The following AFF3 variants were observed in gnomAD, a reference collection of about 807,000 sequenced individuals.
AFF3 encodes AF4/FMR2 family member 3.
Under a neutral mutation model 129.7 loss-of-function variants are expected in AFF3, and 32 were observed. The observed-to-expected ratio is 0.25, with a 90% CI of 0.19 to 0.33. AFF3 has a LOEUF of 0.33. Ranked by LOEUF, AFF3 falls within the 10% of genes least tolerant of loss-of-function variation. AFF3 has a pLI of 1.00. For missense variants in AFF3, 1,373 were observed against 1,592.0 expected (o/e 0.86, Z 2.34); for synonymous variants, 644 against 635.4 (o/e 1.01, Z -0.20).
intron 11 of AFF3, among the ~76,000 whole-genome samples, chr2:99,675,362 CA>C (rs1389272293): frequency 3.3e-5 from 5 of 152,138 alleles, no homozygotes; most frequent in Non-Finnish European, 7.3e-5. Flanking sequence ...ATGCTATTCC[CA>C]AAACATGAAA....
intron 12 of AFF3, among the ~76,000 whole-genome samples, chr2:99,667,629 A>T (rs1686787387): frequency 6.6e-6 from 1 of 152,236 alleles, no homozygotes; most frequent in Admixed American, 6.5e-5. Context: ...TAAAAAAGAA[A>T]GAAGACAAAT....
intron 13 of AFF3, among the ~76,000 whole-genome samples, chr2:99,628,387 G>C (rs1682797070): frequency 6.6e-6 from 1 of 152,042 alleles, no homozygotes; most frequent in Admixed American, 6.5e-5. Flanking sequence ...AGGAATACTA[G>C]TGATTTTTGC....
intron 13 of AFF3, among the ~76,000 whole-genome samples, chr2:99,627,300 T>C (rs900065144): frequency 1.3e-5 from 2 of 152,116 alleles, no homozygotes; most frequent in Non-Finnish European, 2.9e-5. Context: ...CTCAGTGTCG[T>C]TTTGATTTGC....
At chr2:99,842,745 A>T (rs974154574) in intron 7 of AFF3, among the ~76,000 whole-genome samples, 7 of 151,914 alleles carry the variant, frequency 4.6e-5, no homozygotes, top group Non-Finnish European at 1.0e-4. Context: ...TAGCTCGGGG[A>T]ATAGCCAGGA....
intron 5 of AFF3, 78 bp downstream of exon 5, chr2:100,008,734 T>C: frequency 6.6e-7 from 1 of 1,523,484 alleles, no homozygotes; most frequent in Admixed American, 1.9e-5. Context: ...GTCGGCCAAT[T>C]CTTTTAGTCA....
Position 100,105,850 on chromosome 2 carries a change from A to G in AFF3, c.-144-267T>C, listed in dbSNP as rs755544275. ...CCTAGAGAGCAGCTCAGAGCCCTGC[A>G]GTTGTGCCTCACCACGCGAACCAAA... On this transcript the variant is annotated intron_variant, in intron 2 of 24. Coordinates refer to ENST00000672756, the MANE Select transcript of AFF3 (RefSeq NM_001386135.1). 2.2e-6 allele frequency: 3 copies of G among 1,338,738 alleles called. No homozygotes were observed. The African/African-American group carries it at 4.5e-5, about 20-fold the overall frequency. The allele number at this position is 1,338,738 out of a possible 1,614,324, so 82.9% of individuals were successfully genotyped here.
intron 5 of AFF3, among the ~76,000 whole-genome samples, chr2:100,008,549 A>T (rs1361486392): frequency 1.3e-5 from 2 of 152,210 alleles, no homozygotes; most frequent in Non-Finnish European, 2.9e-5. Context: ...AGTCTGTATT[A>T]TTGATAAAAA....
chr2:99,570,636 C>G (rs1291127761), intron 18 of AFF3, among the ~76,000 whole-genome samples: 1 of 152,188 alleles, frequency 6.6e-6, no homozygotes, highest in African/African-American at 2.4e-5. Flanking sequence ...ACATCACCAT[C>G]CTGCTCACAG....
chr2:99,814,381 A>C (rs184289335), intron 8 of AFF3, among the ~76,000 whole-genome samples: 60 of 152,272 alleles, frequency 3.9e-4, no homozygotes, highest in Admixed American at 9.2e-4. Context: ...CTGGATGTGA[A>C]CTGCACTCCC....
chr2:99,592,765 C>A (rs1289630534), intron 15 of AFF3, among the ~76,000 whole-genome samples: 2 of 152,026 alleles, frequency 1.3e-5, no homozygotes, highest in Non-Finnish European at 2.9e-5. Flanking sequence ...GAAACCCTGT[C>A]TTTACTAAAA....
At position 99,720,825 on chromosome 2, in the gene AFF3, T is replaced by C. The variant is rs373997446; in HGVS notation, c.1091+6252A>G. On this transcript the variant is annotated intron_variant, in intron 11 of 24. Transcript: ENST00000672756. ...GGATATTTGTTTTTAGTGGTTTCTCTGGGTATTATACCACACATCTTTATC... is the reference window on the plus strand; with the variant it reads ...GGATATTTGTTTTTAGTGGTTTCTCCGGGTATTATACCACACATCTTTATC... Among the ~76,000 whole-genome samples, 93 of 152,348 alleles carry C rather than the reference T, an allele frequency of 6.1e-4. No individual in the cohort carries two copies. In the Middle Eastern group the frequency reaches 0.02, roughly 33 times the overall value.
At chr2:100,024,626 T>C (rs1017063840) in intron 4 of AFF3, among the ~76,000 whole-genome samples, 2 of 151,470 alleles carry the variant, frequency 1.3e-5, no homozygotes, top group African/African-American at 2.4e-5. Flanking sequence ...ATAATAATTA[T>C]TATTATTATT....
intron 11 of AFF3, among the ~76,000 whole-genome samples, chr2:99,715,620 C>A (rs1575773489): frequency 2.6e-5 from 4 of 151,980 alleles, no homozygotes; most frequent in Admixed American, 2.6e-4. Context: ...ATTTTTTCCT[C>A]CGAGGAGTTC....
intron 2 of AFF3, among the ~76,000 whole-genome samples, chr2:100,122,303 A>G (rs1692013369): frequency 6.6e-6 from 1 of 152,210 alleles, no homozygotes; most frequent in Non-Finnish European, 1.5e-5. Context: ...ATTATTTACT[A>G]AAGATTGAGA....
intron 7 of AFF3, among the ~76,000 whole-genome samples, chr2:99,865,555 T>C (rs1391097719): frequency 1.3e-5 from 2 of 152,188 alleles, no homozygotes; most frequent in South Asian, 2.1e-4. Context: ...GGGTATTATA[T>C]GTAGGTCCAA....
chr2:100,100,864 C>T (rs569962124), intron 4 of AFF3, among the ~76,000 whole-genome samples: 23 of 152,314 alleles, frequency 1.5e-4, no homozygotes, highest in African/African-American at 5.5e-4. Context: ...GAAGGAAGAC[C>T]AGGGAGTGGA....
At chr2:99,690,337 C>T (rs899734176) in intron 11 of AFF3, among the ~76,000 whole-genome samples, 14 of 151,138 alleles carry the variant, frequency 9.3e-5, no homozygotes, top group South Asian at 4.2e-4. Context: ...CCCGCCACCA[C>T]GCCCGGCTAA....
intron 7 of AFF3, among the ~76,000 whole-genome samples, chr2:99,916,647 C>G (rs1695495079): frequency 6.6e-6 from 1 of 152,098 alleles, no homozygotes; most frequent in African/African-American, 2.4e-5. Context: ...CACAGTACAA[C>G]CACAGTCAAG....
At position 99,966,719 on chromosome 2, in the gene AFF3, A is replaced by AAAAG. The variant is rs2104385452; in HGVS notation, c.873+39909_873+39912dup. Among the ~76,000 whole-genome samples, 4 of 145,090 alleles carry AAAAG rather than the reference A, an allele frequency of 2.8e-5. No individual in the cohort carries two copies. In the South Asian group the frequency reaches 8.6e-4, roughly 31 times the overall value. ...AAAAAAAAAAAAAAAAAAAAAAAAAAAAAGAAAATGAAGAATGACAGAGGA... is the reference window on the plus strand; with the variant it reads ...AAAAAAAAAAAAAAAAAAAAAAAAAAAAAGAAAGAAAATGAAGAATGACAGAGGA... On this transcript the variant is annotated intron_variant, in intron 7 of 24. Transcript: ENST00000672756.
Sources: allele counts gnomAD v4.1 joint callset (sites outside exome capture counted in the v4.1 genomes callset), GRCh38; gene constraint gnomAD v4.1.1; transcripts MANE v1.5; gene names NCBI Gene and HGNC (gene_info 2026-07-23, HGNC 2026-07-21).